FAM120A: variants seen among roughly 807,000 people sequenced by gnomAD.
The protein encoded by FAM120A is family with sequence similarity 120 member A.
In FAM120A, 15 loss-of-function variants were observed where a neutral mutation model predicts 109.7. That is an observed-to-expected ratio of 0.14 (90% CI 0.09 to 0.21). FAM120A has a LOEUF of 0.21. FAM120A is among the 10% of genes least tolerant of loss of function. The pLI, the probability that FAM120A is intolerant of heterozygous loss-of-function variation, is 1.00. For missense variants in FAM120A, 899 were observed against 1,439.3 expected (o/e 0.62, Z 6.07); for synonymous variants, 493 against 572.8 (o/e 0.86, Z 1.99).
chr9:93,523,169 T>C, intron 7 of FAM120A: 2 of 381,318 alleles, frequency 5.2e-6, no homozygotes, highest in East Asian at 1.9e-4. Flanking sequence ...TAATGTAAAA[T>C]AGCTAAAAGA....
At position 93,515,377 on chromosome 9, in the gene FAM120A, G is replaced by A. The variant is rs1198968881; in HGVS notation, c.1031-290G>A. Among the ~76,000 whole-genome samples, 5 of 152,198 alleles carry A rather than the reference G, an allele frequency of 3.3e-5. No homozygotes were observed. The East Asian group carries it at 5.8e-4, about 18-fold the overall frequency. ...CCAAGTTGCAGGCAGAGGGACAGCCGAGGCCCTCAGGAAGTACACGAGAGC... is the reference window on the plus strand; with the variant it reads ...CCAAGTTGCAGGCAGAGGGACAGCCAAGGCCCTCAGGAAGTACACGAGAGC... On this transcript the variant is annotated intron_variant, in intron 5 of 17. Coordinates refer to ENST00000277165, the MANE Select transcript of FAM120A (RefSeq NM_014612.5).
In FAM120A at chr9:93,552,413, A is replaced by G. The variant is rs111877529; in HGVS notation, c.2274+1722A>G. 3.2e-3 allele frequency among the ~76,000 whole-genome samples: 482 copies of G among 152,092 alleles called. 2 individuals carry two copies. The highest frequency in any genetic ancestry group is 6.9e-3 in the South Asian group (33 of 4,814). ...TGTATGTATAGTAAACTTCAGTCTG[A>G]CTCATCGATCCTCTGGGTCTTGCTT... On this transcript the variant is annotated intron_variant, in intron 12 of 17. Transcript: ENST00000277165.
At chr9:93,519,724 A>G (rs1860761955) in intron 7 of FAM120A, among the ~76,000 whole-genome samples, 1 of 152,130 alleles carries the variant, frequency 6.6e-6, no homozygotes, top group East Asian at 1.9e-4. Context: ...CACCCTGCAA[A>G]ATAAATGGCC....
At chr9:93,491,810 C>CT (rs34411007) in intron 3 of FAM120A, among the ~76,000 whole-genome samples, 13 of 149,022 alleles carry the variant, frequency 8.7e-5, no homozygotes, top group Admixed American at 2.0e-4. Context: ...ATTTATTTGA[C>CT]TTTTTTTTTT....
chr9:93,548,694 G>T (rs1258366863), intron 11 of FAM120A, among the ~76,000 whole-genome samples: 2 of 152,164 alleles, frequency 1.3e-5, no homozygotes, highest in African/African-American at 4.8e-5. Context: ...ACAAAAATAG[G>T]AGGAGAGGAC....
intron 5 of FAM120A, among the ~76,000 whole-genome samples, chr9:93,508,657 A>G (rs925552048): frequency 6.6e-6 from 1 of 152,168 alleles, no homozygotes; most frequent in Non-Finnish European, 1.5e-5. Flanking sequence ...GGCTCTGGCC[A>G]TGGGGATCCT....
chr9:93,531,591 G>GTGGC (rs1383443735), intron 9 of FAM120A, among the ~76,000 whole-genome samples: 1 of 152,300 alleles, frequency 6.6e-6, no homozygotes, highest in Non-Finnish European at 1.5e-5. Flanking sequence ...TTCTGCCCTA[G>GTGGC]TGGCTATGCA....
At chr9:93,525,607 C>G (rs776817154) in intron 7 of FAM120A, among the ~76,000 whole-genome samples, 3 of 152,200 alleles carry the variant, frequency 2.0e-5, no homozygotes, top group African/African-American at 7.2e-5. Context: ...TTGCCCCCTG[C>G]GTCTCCCAGC....
chr9:93,543,594 A>G, intron 11 of FAM120A, 123 bp downstream of exon 11: 8 of 1,252,420 alleles, frequency 6.4e-6, no homozygotes, highest in South Asian at 1.6e-5. Flanking sequence ...GTTGAAATTT[A>G]TTGTCATCCC....
At chr9:93,506,991 C>T (rs1229153089) in intron 5 of FAM120A, among the ~76,000 whole-genome samples, 1 of 152,160 alleles carries the variant, frequency 6.6e-6, no homozygotes, top group African/African-American at 2.4e-5. Flanking sequence ...GTCATCTTAA[C>T]CCTTAGCATT....
intron 13 of FAM120A, among the ~76,000 whole-genome samples, 157 bp from the exon 14 acceptor site, chr9:93,557,670 A>T (rs1033191908): frequency 1.1e-4 from 17 of 152,244 alleles, no homozygotes; most frequent in African/African-American, 4.1e-4. Context: ...TGTGGTTACA[A>T]ATAAACGTTA....
chr9:93,506,402 T>C (rs1029083972), intron 5 of FAM120A, among the ~76,000 whole-genome samples: 5 of 152,164 alleles, frequency 3.3e-5, no homozygotes, highest in Non-Finnish European at 5.9e-5. Flanking sequence ...TATTTTTGGG[T>C]GCTATTTCTA....
chr9:93,556,032 A>G (rs942243451), intron 12 of FAM120A, among the ~76,000 whole-genome samples: 17 of 152,302 alleles, frequency 1.1e-4, no homozygotes, highest in African/African-American at 4.1e-4. Context: ...TTTTACGAAG[A>G]GATTGTGGAG....
At chr9:93,462,824 A>G (rs1857853306) in intron 1 of FAM120A, among the ~76,000 whole-genome samples, 1 of 152,238 alleles carries the variant, frequency 6.6e-6, no homozygotes, top group Non-Finnish European at 1.5e-5. Flanking sequence ...TGCATTTAAC[A>G]CAATGTCTTC....
rs1278062684 is a variant in FAM120A, at chr9:93,564,604, A to G, written c.*64A>G. The G allele has an allele frequency of 2.9e-6, 4 of 1,358,958 alleles. No homozygotes were observed. The South Asian group carries it at 5.6e-5, about 19-fold the overall frequency. 84.2% of individuals were successfully genotyped at this position (1,358,958 alleles called of 1,614,324 possible). The stretch of plus-strand genomic sequence containing the variant: ...AAGGATTTAGGAATATCTGGAGAGA[A>G]AGAGAGCCTGCAGTTATGTACATTT... On this transcript the variant is annotated 3_prime_UTR_variant, in exon 18 of 18. Transcript: ENST00000277165.
chr9:93,470,874 G>A (rs1034222340), intron 1 of FAM120A, among the ~76,000 whole-genome samples: 2 of 152,050 alleles, frequency 1.3e-5, no homozygotes, highest in Non-Finnish European at 2.9e-5. Flanking sequence ...GGTGATCTTT[G>A]AGCTTGACAA....
chr9:93,474,496 C>A (rs759277287), intron 2 of FAM120A, among the ~76,000 whole-genome samples: 2 of 152,154 alleles, frequency 1.3e-5, no homozygotes, highest in African/African-American at 2.4e-5. Flanking sequence ...TTAAGTATTT[C>A]ACCCCCCAAT....
At chr9:93,473,386 A>G (rs1229916546) in intron 2 of FAM120A, among the ~76,000 whole-genome samples, 2 of 151,878 alleles carry the variant, frequency 1.3e-5, no homozygotes, top group Admixed American at 6.6e-5. Context: ...GCTCACTGCA[A>G]CCTCCACCTC....
chr9:93,540,286 A>G (rs1861648642), intron 10 of FAM120A, among the ~76,000 whole-genome samples: 1 of 152,238 alleles, frequency 6.6e-6, no homozygotes, highest in South Asian at 2.1e-4. Flanking sequence ...AATACTCAAA[A>G]GATCTCTAAC....
Sources: allele counts gnomAD v4.1 joint callset (sites outside exome capture counted in the v4.1 genomes callset), GRCh38; gene constraint gnomAD v4.1.1; transcripts MANE v1.5; gene names NCBI Gene and HGNC (gene_info 2026-07-23, HGNC 2026-07-21).